FAM83A: variants seen among roughly 807,000 people sequenced by gnomAD.
The protein encoded by FAM83A is scaffolding CK1 anchoring protein A.
Under a neutral mutation model 24.4 loss-of-function variants are expected in FAM83A, and 21 were observed. That is an observed-to-expected ratio of 0.86 (90% CI 0.61 to 1.24). FAM83A has a LOEUF of 1.24. FAM83A is among the 50% of genes most tolerant of loss of function. The probability of loss-of-function intolerance (pLI) is 0.00; values close to 1 mark genes in which losing one functional copy is unlikely to be tolerated. For missense variants in FAM83A, 617 were observed against 579.8 expected (o/e 1.06, Z -0.66); for synonymous variants, 270 against 252.4 (o/e 1.07, Z -0.66).
At chr8:123,195,868 T>C (rs1485287104) in intron 3 of FAM83A, among the ~76,000 whole-genome samples, 1 of 152,176 alleles carries the variant, frequency 6.6e-6, no homozygotes, top group African/African-American at 2.4e-5. Context: ...ACTAATAGCA[T>C]CACATTGGGG....
chr8:123,209,735 TC>T lies in FAM83A; in HGVS notation c.*2049del, dbSNP rs1824674296. ...TGCAGGCAGGAACAAGCCCCCCTAC[TC>T]CTGACCACCCTCCATCAGCAGTCTC... On this transcript the variant is annotated 3_prime_UTR_variant, in exon 4 of 4. Transcript: ENST00000690554. The surrounding 1 kb of genome is among the most constrained non-coding windows in gnomAD (Gnocchi z 4.7). 4.8e-6 allele frequency: 3 copies of T among 624,264 alleles called. No homozygotes were observed. In the South Asian group the frequency reaches 6.1e-5, roughly 13 times the overall value. The allele number at this position is 624,264 out of a possible 1,614,324, so 38.7% of individuals were successfully genotyped here.
At chr8:123,183,562 A>G (rs1221340353) in intron 1 of FAM83A, among the ~76,000 whole-genome samples, 1 of 151,532 alleles carries the variant, frequency 6.6e-6, no homozygotes, top group African/African-American at 2.4e-5. Flanking sequence ...AACTCCCGCA[A>G]TCGCTTCCTG....
chr8:123,197,039 C>T (rs6997717), intron 3 of FAM83A, among the ~76,000 whole-genome samples: 39,730 of 152,038 alleles, frequency 0.26, 5,538 homozygotes, highest in African/African-American at 0.36. Flanking sequence ...TTCTGTCAGC[C>T]CAGATCACCC....
intron 3 of FAM83A, among the ~76,000 whole-genome samples, chr8:123,196,462 G>A (rs1824157516): frequency 6.6e-6 from 1 of 152,192 alleles, no homozygotes; most frequent in Non-Finnish European, 1.5e-5. Context: ...GTTTGCAGTT[G>A]AATGGAGAGG....
At chr8:123,201,488 G>A (rs1000874851) in intron 3 of FAM83A, 1 of 152,212 alleles carries the variant, frequency 6.6e-6, no homozygotes, top group African/African-American at 2.4e-5. Context: ...CAGTGATTTT[G>A]CCCTTGACAT....
At chr8:123,198,927 C>CG (rs1279337721) in intron 3 of FAM83A, among the ~76,000 whole-genome samples, 1 of 151,952 alleles carries the variant, frequency 6.6e-6, no homozygotes, top group Non-Finnish European at 1.5e-5. Context: ...TTAGTAGAGA[C>CG]GGGGGTTTCA....
chr8:123,194,272 C>A, intron 3 of FAM83A, 124 bp downstream of exon 3: 1 of 1,366,352 alleles, frequency 7.3e-7, no homozygotes, highest in Non-Finnish European at 1.0e-6. Context: ...TCCCTCTGCC[C>A]GGAGCTGGAG....
chr8:123,186,082 C>A (rs1007834286), intron 1 of FAM83A, among the ~76,000 whole-genome samples: 4 of 152,186 alleles, frequency 2.6e-5, no homozygotes, highest in African/African-American at 9.7e-5. Flanking sequence ...AGCCACCGTG[C>A]CTGGCCAGTT....
At chr8:123,186,528 G>T (rs774084548) in intron 1 of FAM83A, among the ~76,000 whole-genome samples, 1 of 152,106 alleles carries the variant, frequency 6.6e-6, no homozygotes, top group Non-Finnish European at 1.5e-5. Context: ...TTCCCTTCAT[G>T]CCCAAATTCC....
Position 123,188,539 on chromosome 8 carries a change from G to A in FAM83A, c.481-3264G>A, listed in dbSNP as rs150057722. On this transcript the variant is annotated intron_variant, in intron 1 of 3. Transcript: ENST00000690554. Reference sequence around the variant, plus strand: ...TGCTCTGTCACCCAGGCTGGAGTGCGGTGGTGAGATGTCGGCTCACTGCAA... The same window carrying A: ...TGCTCTGTCACCCAGGCTGGAGTGCAGTGGTGAGATGTCGGCTCACTGCAA... Among the ~76,000 whole-genome samples, 1,283 of 150,726 alleles carry A rather than the reference G, an allele frequency of 8.5e-3. 17 individuals carry two copies. The highest frequency in any genetic ancestry group is 0.03 in the African/African-American group (1,220 of 40,992).
exon 4 of FAM83A, chr8:123,207,616 G>A: frequency 6.4e-7 from 1 of 1,556,546 alleles, no homozygotes; most frequent in Non-Finnish European, 8.6e-7. Flanking sequence ...GGCTGCAGCT[G>A]GAGCAGCTGG....
intron 1 of FAM83A, among the ~76,000 whole-genome samples, chr8:123,189,469 G>A (rs984525916): frequency 1.1e-4 from 16 of 152,156 alleles, no homozygotes; most frequent in East Asian, 1.9e-4. Context: ...GGGAATGGCC[G>A]TATTCCCTGT....
At chr8:123,179,575 T>C (rs1349123680), upstream of FAM83A, 1 of 152,228 alleles carries the variant, frequency 6.6e-6, no homozygotes, top group African/African-American at 2.4e-5. Flanking sequence ...CAGAATCCTA[T>C]GATCAACTAG....
At chr8:123,181,469 T>C (rs1823598146), upstream of FAM83A, among the ~76,000 whole-genome samples, 1 of 152,156 alleles carries the variant, frequency 6.6e-6, no homozygotes, top group Non-Finnish European at 1.5e-5. Context: ...TTCATTTCTT[T>C]ACTTTCATTT....
At chr8:123,189,996 G>A (rs11779971) in intron 1 of FAM83A, among the ~76,000 whole-genome samples, 26,139 of 151,962 alleles carry the variant, frequency 0.17, 2,515 homozygotes, top group Admixed American at 0.23. Flanking sequence ...ATGACATTTT[G>A]GTTACTAACA....
chr8:123,192,708 C>A (rs1270481248), intron 2 of FAM83A, among the ~76,000 whole-genome samples: 1 of 152,106 alleles, frequency 6.6e-6, no homozygotes, highest in Non-Finnish European at 1.5e-5. Context: ...AAGAATGAAG[C>A]CTCCTCCCTC....
chr8:123,207,258 C>T (rs764242212), exon 4 of FAM83A: 2 of 1,613,046 alleles, frequency 1.2e-6, no homozygotes, highest in Non-Finnish European at 1.7e-6. Context: ...CTCTACGCCT[C>T]CTCCAAGCCT....
intron 1 of FAM83A, among the ~76,000 whole-genome samples, chr8:123,187,667 C>T (rs1935003064): frequency 6.6e-6 from 1 of 151,984 alleles, no homozygotes; most frequent in Non-Finnish European, 1.5e-5. Context: ...AGCTGTAACC[C>T]ACACGAACAA....
intron 3 of FAM83A, among the ~76,000 whole-genome samples, chr8:123,199,366 T>A (rs1199294005): frequency 6.6e-6 from 1 of 152,250 alleles, no homozygotes; most frequent in Non-Finnish European, 1.5e-5. Flanking sequence ...CCAGCATTTT[T>A]ATGCTTAACT....
Sources: allele counts gnomAD v4.1 joint callset (sites outside exome capture counted in the v4.1 genomes callset), GRCh38; gene constraint gnomAD v4.1.1; non-coding constraint Gnocchi (gnomAD v3.1); transcripts MANE v1.5; gene names NCBI Gene and HGNC (gene_info 2026-07-23, HGNC 2026-07-21).